RSPH14: variants seen among roughly 807,000 people sequenced by gnomAD.
RSPH14 encodes radial spoke head 14 homolog.
Under a neutral mutation model 26.7 loss-of-function variants are expected in RSPH14, and 20 were observed. The observed-to-expected ratio is 0.75, with a 90% confidence interval of 0.53 to 1.09. RSPH14 has a LOEUF of 1.09. Among genes scored for constraint, RSPH14 ranks in the 50% least tolerant of loss-of-function variants. The pLI is 0.00. For synonymous variants in RSPH14, 177 were observed against 189.3 expected (o/e 0.93, Z 0.53); for missense variants, 449 against 457.2 (o/e 0.98, Z 0.16).
chr22:23,115,271 T>C (rs2069791704), intron 4 of RSPH14, among the ~76,000 whole-genome samples: 1 of 152,164 alleles, frequency 6.6e-6, no homozygotes, highest in South Asian at 2.1e-4. Context: ...GGCTGAGGTA[T>C]GTGACAAGGC....
chr22:23,078,791 G>T lies in RSPH14; in HGVS notation c.422-14658C>A, dbSNP rs555946411. 1.5e-3 allele frequency among the ~76,000 whole-genome samples: 233 copies of T among 152,332 alleles called. 1 individual carries two copies. The highest frequency in any genetic ancestry group is 5.3e-3 in the African/African-American group (219 of 41,576). ...ATGTATGTGGGGTGGGAGCACACTT[G>T]CAGGGGTAGCAACAGAAGCCCAGCC... On this transcript the variant is annotated intron_variant, in intron 4 of 6. Coordinates refer to ENST00000216036, the MANE Select transcript of RSPH14 (RefSeq NM_014433.3).
chr22:23,145,520 G>A (rs368587126), upstream of RSPH14: 1 of 1,604,290 alleles, frequency 6.2e-7, no homozygotes, highest in Non-Finnish European at 8.5e-7. Flanking sequence ...GGACCAGGCC[G>A]CGCGGAGCCC....
At chr22:23,084,986 C>T (rs2068779330) in intron 4 of RSPH14, among the ~76,000 whole-genome samples, 1 of 152,196 alleles carries the variant, frequency 6.6e-6, no homozygotes, top group Non-Finnish European at 1.5e-5. Flanking sequence ...GCCATACCAA[C>T]CCCCATCCTG....
chr22:23,107,440 G>T (rs1420745983), intron 4 of RSPH14, among the ~76,000 whole-genome samples: 1 of 152,170 alleles, frequency 6.6e-6, no homozygotes. Flanking sequence ...GGGAAAAGTC[G>T]AGGGCCTCAT....
At chr22:23,101,704 C>T (rs903829750) in intron 4 of RSPH14, among the ~76,000 whole-genome samples, 4 of 152,236 alleles carry the variant, frequency 2.6e-5, no homozygotes, top group African/African-American at 9.6e-5. Context: ...GCAGCATCCT[C>T]AAGTTATCAT....
In RSPH14 at chr22:23,059,628, T is replaced by C; in HGVS notation, c.881A>G (p.Lys294Arg). The change falls in exon 7 of 7, where the codon AAG becomes AGG. Residue 294 changes from lysine to arginine, a missense_variant. Coordinates refer to ENST00000216036, the MANE Select transcript of RSPH14 (RefSeq NM_014433.3). Reference protein sequence around the residue: ...PMTIARLNATKALTMLAEAPE... With the variant: ...PMTIARLNATRALTMLAEAPE... ...GGCCTCTGCCAGCATGGTAAGGGCC[T>C]TGGTGGCATTCAGGCGCGCTATGGT... The C allele has an allele frequency of 6.2e-7, 1 of 1,610,160 alleles. No homozygotes were observed. The highest frequency in any genetic ancestry group is 1.1e-5 in the South Asian group (1 of 90,912).
intron 4 of RSPH14, among the ~76,000 whole-genome samples, chr22:23,085,154 G>A (rs1021914725): frequency 1.3e-5 from 2 of 152,304 alleles, no homozygotes; most frequent in Non-Finnish European, 2.9e-5. Flanking sequence ...TGCTGCATCT[G>A]CGGGGTCAGC....
Position 23,136,148 on chromosome 22 carries a change from T to TTGATA in RSPH14, c.303-2009_303-2005dup, listed in dbSNP as rs2070479151. 22 of 655,802 alleles carry TTGATA rather than the reference T, an allele frequency of 3.4e-5. 1 individual carries two copies. In the South Asian group the frequency reaches 3.9e-4, roughly 12 times the overall value. 40.6% of individuals were successfully genotyped at this position (655,802 alleles called of 1,614,324 possible). On this transcript the variant is annotated intron_variant, in intron 3 of 6. Transcript: ENST00000216036. ...TCACCCACTCCATGTCTCTCATGCT[T>TTGATA]TGATAGTCAGTTGTGTTTGCCTGTG... is the stretch of plus-strand genomic sequence containing the variant.
chr22:23,121,753 G>A (rs1157033356), intron 4 of RSPH14, among the ~76,000 whole-genome samples: 3 of 141,504 alleles, frequency 2.1e-5, no homozygotes, highest in African/African-American at 5.3e-5. Flanking sequence ...ACAGAGTCTC[G>A]CTGCGTCGCC....
chr22:23,150,138 A>G, the RSPH14 span: 33 of 1,612,166 alleles, frequency 2.0e-5, no homozygotes, highest in Non-Finnish European at 2.8e-5. Context: ...CCAACGCAGG[A>G]ACACGGGGAC....
chr22:23,062,959 C>CT (rs2068124949), intron 5 of RSPH14, among the ~76,000 whole-genome samples: 1 of 152,344 alleles, frequency 6.6e-6, no homozygotes, highest in Non-Finnish European at 1.5e-5. Context: ...GGGCAGCAAA[C>CT]AGAGGAAAGC....
chr22:23,088,167 GGCCTGCAGGTTCCCATACTCAC>G (rs1298219762), intron 4 of RSPH14, among the ~76,000 whole-genome samples: 2 of 152,198 alleles, frequency 1.3e-5, no homozygotes, highest in Non-Finnish European at 2.9e-5. Flanking sequence ...TTTCAAGCTT[GGCCTGCAGGTTCCCATACTCAC>G]GCAGCAAGTC....
At chr22:23,077,589 C>T (rs1157895051) in intron 4 of RSPH14, among the ~76,000 whole-genome samples, 1 of 152,086 alleles carries the variant, frequency 6.6e-6, no homozygotes, top group Non-Finnish European at 1.5e-5. Context: ...CCAGGTGTTG[C>T]AGGAGTGGGG....
the RSPH14 span, among the ~76,000 whole-genome samples, chr22:23,178,383 T>G: frequency 2.7e-5 from 4 of 147,574 alleles, no homozygotes; most frequent in African/African-American, 7.6e-5. Context: ...TCCACTGCAC[T>G]CCAGCCTGGG....
chr22:23,091,861 C>T (rs1360774810), intron 4 of RSPH14, among the ~76,000 whole-genome samples: 1 of 152,204 alleles, frequency 6.6e-6, no homozygotes, highest in Non-Finnish European at 1.5e-5. Flanking sequence ...TGGTACCTCT[C>T]TCCTCCTCTC....
chr22:23,059,555 G>A lies in RSPH14; in HGVS notation c.954C>T (p.Ala318=), dbSNP rs1468189818. The change falls in exon 7 of 7, where the codon GCC becomes GCT. Residue 318 remains alanine (A), a synonymous_variant. Transcript: ENST00000216036. ...GCTTTTCGTAAGTCTCCACCTCCAT[G>A]GCACGGAAAGTGGGCACGTGCGTCT... ...ALQTHVPTFR[A]MEVETYEKPQ... is the part of the protein sequence containing the mutation. 3 of 1,614,190 alleles carry A rather than the reference G, an allele frequency of 1.9e-6. No individual in the cohort carries two copies. The highest frequency in any genetic ancestry group is 2.5e-6 in the Non-Finnish European group (3 of 1,180,008).
chr22:23,134,548 CAAAAA>C (rs59412175), intron 3 of RSPH14, among the ~76,000 whole-genome samples: 12 of 86,136 alleles, frequency 1.4e-4, no homozygotes, highest in Non-Finnish European at 1.6e-4. Flanking sequence ...AACTCCCAAC[CAAAAA>C]AAAAAAAAAA....
At chr22:23,144,222 C>T (rs1055744146), upstream of RSPH14, among the ~76,000 whole-genome samples, 8 of 151,862 alleles carry the variant, frequency 5.3e-5, no homozygotes, top group African/African-American at 1.7e-4. Flanking sequence ...TCCTAAATCC[C>T]ATTGGCACAC....
Position 23,061,964 on chromosome 22 carries a change from A to AT in RSPH14, c.654-20_654-19insA, listed in dbSNP as rs759148115. ...AGATATGCTGGGGCAGAGAGGGAAC[A>AT]GAGAGGGGCTCTGCTTGGAAGGGAG... On this transcript the variant is annotated intron_variant, in intron 5 of 6. Transcript: ENST00000216036. 6.2e-7 allele frequency: 1 copy of AT among 1,613,654 alleles called. No homozygotes were observed. The highest frequency in any genetic ancestry group is 1.1e-5 in the South Asian group (1 of 91,060).
Sources: gnomAD v4.1 joint callset for allele counts (sites outside exome capture counted in the v4.1 genomes callset) on GRCh38, gnomAD v4.1.1 for gene constraint, MANE v1.5 for transcripts, NCBI Gene and HGNC (gene_info 2026-07-23, HGNC 2026-07-21) for gene names.